Variants in GRM5 observed in about 807,000 individuals in gnomAD.
GRM5 encodes the protein metabotropic glutamate receptor 5.
Under a neutral mutation model 83.1 loss-of-function variants are expected in GRM5, and 19 were observed. The observed-to-expected ratio is 0.23, with a 90% CI of 0.16 to 0.34. The LOEUF is 0.34. Among genes scored for constraint, GRM5 ranks in the 10% least tolerant of loss-of-function variants. The probability of loss-of-function intolerance (pLI) is 1.00; values close to 1 mark genes in which losing one functional copy is unlikely to be tolerated. For missense variants in GRM5, 1,160 were observed against 1,588.3 expected, an observed-to-expected ratio of 0.73 and a Z score of 4.58; for synonymous variants, 675 against 633.6, an observed-to-expected ratio of 1.07 and a Z score of -0.98.
chr11:88,554,335 T>C (rs1379650072), intron 8 of GRM5, among the ~76,000 whole-genome samples: 1 of 152,102 alleles, frequency 6.6e-6, no homozygotes. Context: ...CACTGGATAA[T>C]CCAGGATCAT....
chr11:88,701,973 T>C (rs901511028), intron 3 of GRM5, among the ~76,000 whole-genome samples: 1 of 152,044 alleles, frequency 6.6e-6, no homozygotes, highest in African/African-American at 2.4e-5. Context: ...ATCTCTATTC[T>C]AACATTAATG....
At chr11:89,021,383 T>A (rs954789629) in intron 2 of GRM5, among the ~76,000 whole-genome samples, 2 of 152,312 alleles carry the variant, frequency 1.3e-5, no homozygotes, top group African/African-American at 4.8e-5. Flanking sequence ...TGGCAACTCA[T>A]TGGATAACTG....
chr11:88,657,065 T>A (rs1939782555), intron 3 of GRM5, among the ~76,000 whole-genome samples: 1 of 151,956 alleles, frequency 6.6e-6, no homozygotes, highest in Non-Finnish European at 1.5e-5. Context: ...ATGAATAAAG[T>A]GCTGTTGCTG....
intron 3 of GRM5, among the ~76,000 whole-genome samples, chr11:88,815,684 G>A (rs1054982986): frequency 6.6e-6 from 1 of 152,112 alleles, no homozygotes; most frequent in Non-Finnish European, 1.5e-5. Context: ...AAGAGGCGAG[G>A]TGTTAGCCTC....
At chr11:89,020,386 G>A (rs1173257840) in intron 2 of GRM5, among the ~76,000 whole-genome samples, 1 of 152,204 alleles carries the variant, frequency 6.6e-6, no homozygotes, top group Non-Finnish European at 1.5e-5. Flanking sequence ...CTTAAGCTAA[G>A]TCATCATCTT....
At chr11:88,999,331 C>A (rs1452941877) in intron 2 of GRM5, among the ~76,000 whole-genome samples, 5 of 152,070 alleles carry the variant, frequency 3.3e-5, no homozygotes. Context: ...ATTTTTGCAA[C>A]CTACTCATCT....
chr11:88,954,686 C>T (rs915606967), intron 2 of GRM5, among the ~76,000 whole-genome samples: 3 of 151,944 alleles, frequency 2.0e-5, no homozygotes, highest in Non-Finnish European at 4.4e-5. Context: ...TTTAAGAAAC[C>T]ACATGTGGCT....
At chr11:88,624,913 A>G (rs1938749603) in intron 4 of GRM5, among the ~76,000 whole-genome samples, 1 of 152,160 alleles carries the variant, frequency 6.6e-6, no homozygotes, top group Admixed American at 6.6e-5. Context: ...TTTTGATACA[A>G]CTAAGATGGT....
At position 88,787,131 on chromosome 11, in the gene GRM5, ATGTGTGTGTGTGTGTGTG is replaced by A. The variant is rs57116541; in HGVS notation, c.911+62757_911+62774del. Among the ~76,000 whole-genome samples, 654 of 143,444 alleles carry A rather than the reference ATGTGTGTGTGTGTGTGTG, an allele frequency of 4.6e-3. 15 individuals are homozygous for A. The East Asian group carries it at 0.074, about 16-fold the overall frequency. 94.1% of individuals were successfully genotyped at this position (143,444 alleles called of 152,430 possible). On this transcript the variant is annotated intron_variant, in intron 3 of 9. Transcript: ENST00000305447. The stretch of plus-strand genomic sequence containing the variant: ...ATTTAAAAATATGATATATGATATG[ATGTGTGTGTGTGTGTGTG>A]TGTGTGTGTGTGTGTGTGTGTGTGT...
At chr11:88,848,258 C>T (rs72643336) in intron 3 of GRM5, among the ~76,000 whole-genome samples, 16,452 of 152,120 alleles carry the variant, frequency 0.11, 1,433 homozygotes, top group African/African-American at 0.22. Flanking sequence ...AAAAAGGAAT[C>T]TCACTCAATA....
intron 7 of GRM5, among the ~76,000 whole-genome samples, chr11:88,568,712 GTGTT>G (rs1942922172): frequency 6.6e-6 from 1 of 152,186 alleles, no homozygotes; most frequent in Non-Finnish European, 1.5e-5. Flanking sequence ...GCCATATAGA[GTGTT>G]TGAATGGATG....
intron 3 of GRM5, among the ~76,000 whole-genome samples, chr11:88,766,184 T>C (rs1441897483): frequency 6.6e-6 from 1 of 151,944 alleles, no homozygotes; most frequent in Non-Finnish European, 1.5e-5. Context: ...AATGATATTC[T>C]TGACATGACT....
At chr11:88,667,825 G>A (rs1210707690) in intron 3 of GRM5, among the ~76,000 whole-genome samples, 4 of 151,962 alleles carry the variant, frequency 2.6e-5, no homozygotes, top group South Asian at 2.1e-4. Flanking sequence ...CCTGGTAGGC[G>A]GATGCTGCAG....
intron 3 of GRM5, among the ~76,000 whole-genome samples, chr11:88,696,844 T>C (rs1317492850): frequency 2.0e-5 from 3 of 152,166 alleles, no homozygotes; most frequent in Admixed American, 2.0e-4. Flanking sequence ...ATGGAAGAAA[T>C]CTTTGATAAC....
At chr11:88,997,953 T>C (rs1431412578) in intron 2 of GRM5, among the ~76,000 whole-genome samples, 2 of 152,028 alleles carry the variant, frequency 1.3e-5, no homozygotes, top group Admixed American at 6.6e-5. Flanking sequence ...ATATGCTTTA[T>C]GAATATAGTA....
rs575430921 is a variant in GRM5 at position 88,668,892 on chromosome 11, G to A, written c.912-15489C>T. Among the ~76,000 whole-genome samples, 17 of 152,202 alleles carry A rather than the reference G, an allele frequency of 1.1e-4. 1 individual carries two copies. In the South Asian group the frequency reaches 2.1e-3, roughly 19 times the overall value. ...GTTTTAGTCATCTAAGTTGAATCAT[G>A]AAGTATTTGTTTTCCTGTGATTGGC... On this transcript the variant is annotated intron_variant, in intron 3 of 9. Transcript: ENST00000305447.
intron 8 of GRM5, among the ~76,000 whole-genome samples, chr11:88,525,917 G>A (rs537929358): frequency 6.6e-6 from 1 of 152,300 alleles, no homozygotes; most frequent in South Asian, 2.1e-4. Flanking sequence ...ATAAGTGGTT[G>A]GGCTGGATTT....
chr11:88,999,926 A>G (rs1413827819), intron 2 of GRM5, among the ~76,000 whole-genome samples: 2 of 152,246 alleles, frequency 1.3e-5, no homozygotes, highest in East Asian at 3.8e-4. Flanking sequence ...TGATGAGTTC[A>G]TGTCCTTTGT....
intron 4 of GRM5, among the ~76,000 whole-genome samples, chr11:88,628,781 T>G (rs1217787183): frequency 6.6e-6 from 1 of 152,188 alleles, no homozygotes; most frequent in Non-Finnish European, 1.5e-5. Context: ...AAAGTTTATT[T>G]CTTGCTTATA....
Sources: gnomAD v4.1 joint callset for allele counts (sites outside exome capture counted in the v4.1 genomes callset) on GRCh38, gnomAD v4.1.1 for gene constraint, MANE v1.5 for transcripts, NCBI Gene and HGNC (gene_info 2026-07-23, HGNC 2026-07-21) for gene names.